The following TTC1 variants were observed in gnomAD, a reference collection of about 807,000 sequenced individuals.
TTC1 encodes the protein tetratricopeptide repeat protein 1.
TTC1 carries 31 observed loss-of-function variants against 37.6 expected under a neutral mutation model. The observed-to-expected ratio is 0.82, with a 90% CI of 0.62 to 1.11. TTC1 has a LOEUF of 1.11. TTC1 is among the 50% of genes most tolerant of loss of function. The probability of loss-of-function intolerance (pLI) is 0.00; values close to 1 mark genes in which losing one functional copy is unlikely to be tolerated. For synonymous variants in TTC1, 127 were observed against 122.4 expected (o/e 1.04, Z -0.25); for missense variants, 351 against 339.0 (o/e 1.04, Z -0.28).
chr5:160,051,266 T>G (rs1317342669), intron 7 of TTC1, 83 bp downstream of exon 7: 1 of 1,166,872 alleles, frequency 8.6e-7, no homozygotes, highest in Non-Finnish European at 1.2e-6. Flanking sequence ...GGAGAACACA[T>G]GAGTTAGAAA....
At chr5:160,012,465 A>G (rs1756520421) in intron 2 of TTC1, among the ~76,000 whole-genome samples, 1 of 151,952 alleles carries the variant, frequency 6.6e-6, no homozygotes. Flanking sequence ...CCTGGGCTCA[A>G]GTGGATCCTC....
intron 2 of TTC1, among the ~76,000 whole-genome samples, chr5:160,034,121 T>C (rs2113367368): frequency 6.8e-6 from 1 of 147,126 alleles, no homozygotes; most frequent in East Asian, 2.1e-4. Flanking sequence ...AGTGAGACCC[T>C]ATCTCTTTTT....
chr5:160,037,956 T>C (rs1405808170), intron 4 of TTC1, among the ~76,000 whole-genome samples: 1 of 152,206 alleles, frequency 6.6e-6, no homozygotes. Context: ...CTGTCTGAAA[T>C]TCTCAAATGC....
chr5:160,027,107 C>T (rs890427312), intron 2 of TTC1, among the ~76,000 whole-genome samples: 12 of 151,508 alleles, frequency 7.9e-5, no homozygotes, highest in African/African-American at 1.7e-4. Context: ...TGGATCACTG[C>T]GGCCTCCACC....
chr5:160,018,997 T>C (rs1281603554), intron 2 of TTC1, among the ~76,000 whole-genome samples: 3 of 152,218 alleles, frequency 2.0e-5, no homozygotes, highest in Non-Finnish European at 2.9e-5. Context: ...CCTTTATTAA[T>C]ATGAAGAAGA....
chr5:160,020,204 A>T (rs549743839), intron 2 of TTC1, among the ~76,000 whole-genome samples: 2 of 152,262 alleles, frequency 1.3e-5, no homozygotes, highest in South Asian at 4.2e-4. Context: ...TTCATTTCTA[A>T]TAGGCATCCT....
At chr5:160,063,031 C>T (rs1028894969) in intron 7 of TTC1, among the ~76,000 whole-genome samples, 2 of 152,178 alleles carry the variant, frequency 1.3e-5, no homozygotes, top group Non-Finnish European at 2.9e-5. Context: ...CAGCACAGAA[C>T]GTGTGTGTCC....
At chr5:160,059,297 C>T (rs1394313127) in intron 7 of TTC1, among the ~76,000 whole-genome samples, 2 of 152,216 alleles carry the variant, frequency 1.3e-5, no homozygotes, top group Non-Finnish European at 2.9e-5. Flanking sequence ...GCCTTTGCTG[C>T]TTCACTTTGC....
chr5:160,051,073 A>G, intron 6 of TTC1, 56 bp from the exon 7 acceptor site: 3 of 1,353,286 alleles, frequency 2.2e-6, no homozygotes, highest in South Asian at 2.6e-5. Flanking sequence ...AATAAAGGGA[A>G]AGGTTTTGGT....
intron 7 of TTC1, among the ~76,000 whole-genome samples, chr5:160,053,436 C>T (rs1281685189): frequency 6.6e-6 from 1 of 152,036 alleles, no homozygotes; most frequent in African/African-American, 2.4e-5. Flanking sequence ...TGCTGGTGTG[C>T]ACCTGTAGTC....
Position 160,057,383 on chromosome 5 carries a change from A to G in TTC1, c.745+6200A>G, listed in dbSNP as rs2113411100. ...TGTTTATATAATACTGTAGTCTACT[A>G]AGTATGCAACAGCACTGTGTCTAAA... On this transcript the variant is annotated intron_variant, in intron 7 of 7. Coordinates refer to ENST00000231238, the MANE Select transcript of TTC1 (RefSeq NM_003314.3). The surrounding 1 kb of genome is among the most constrained non-coding windows in gnomAD (Gnocchi z 4.4). 6.6e-6 allele frequency among the ~76,000 whole-genome samples: 1 copy of G among 152,128 alleles called. No individual in the cohort carries two copies. The highest frequency in any genetic ancestry group is 6.5e-5 in the Admixed American group (1 of 15,296).
chr5:160,054,921 C>T (rs1460760356), intron 7 of TTC1, among the ~76,000 whole-genome samples: 1 of 152,188 alleles, frequency 6.6e-6, no homozygotes, highest in Non-Finnish European at 1.5e-5. Flanking sequence ...CCTGAAGCTC[C>T]TCTGCTCAAC....
intron 5 of TTC1, among the ~76,000 whole-genome samples, chr5:160,047,619 T>C (rs1757285950): frequency 6.6e-6 from 1 of 152,174 alleles, no homozygotes; most frequent in Non-Finnish European, 1.5e-5. Context: ...GCTTGAAAAC[T>C]TTCCAGTGGC....
intron 7 of TTC1, among the ~76,000 whole-genome samples, chr5:160,059,681 C>T (rs919608626): frequency 2.0e-5 from 3 of 152,200 alleles, no homozygotes; most frequent in African/African-American, 7.2e-5. Context: ...GTCAGAGGAG[C>T]AGTCAGAACA....
At chr5:160,049,392 C>T in intron 5 of TTC1, 122 bp from the exon 6 acceptor site, 2 of 948,218 alleles carry the variant, frequency 2.1e-6, no homozygotes, top group Non-Finnish European at 3.0e-6. Flanking sequence ...ATCAGGTATA[C>T]ACTTGGCAAA....
At chr5:160,031,851 G>T (rs1404768162) in intron 2 of TTC1, among the ~76,000 whole-genome samples, 1 of 151,948 alleles carries the variant, frequency 6.6e-6, no homozygotes, top group Non-Finnish European at 1.5e-5. Context: ...AAAACAGAAA[G>T]AAATTACCTA....
chr5:160,042,899 G>GA (rs1757125354), intron 4 of TTC1, among the ~76,000 whole-genome samples: 2 of 151,900 alleles, frequency 1.3e-5, no homozygotes, highest in African/African-American at 2.4e-5. Flanking sequence ...GACACTTTCA[G>GA]AAAAAAGCGA....
In TTC1 at chr5:160,010,819, A is replaced by G; in HGVS notation, c.291A>G (p.Leu97=). 1 of 1,613,372 alleles carries G rather than the reference A, an allele frequency of 6.2e-7. No homozygotes were observed. Among genetic ancestry groups the G allele is most frequent in the Non-Finnish European group, 8.5e-7 (1 of 1,179,464 alleles). The part of the protein sequence containing the change: ...VNSSELDEEY[L]IELEKNMSDE... ...CCTCTGAACTAGATGAAGAATACCT[A>G]ATAGAACTGGAAAAAAACATGTCGG... Residue 97 remains leucine (L), a synonymous_variant, in exon 2 of 8, where the codon CTA becomes CTG. Coordinates refer to ENST00000231238, the MANE Select transcript of TTC1 (RefSeq NM_003314.3).
At chr5:160,046,809 T>G (rs1375052158) in intron 5 of TTC1, among the ~76,000 whole-genome samples, 4 of 152,116 alleles carry the variant, frequency 2.6e-5, no homozygotes, top group African/African-American at 7.2e-5. Context: ...GTCAGGAGTT[T>G]GAGACCAGCC....
Sources: gnomAD v4.1 joint callset for allele counts (sites outside exome capture counted in the v4.1 genomes callset) on GRCh38, gnomAD v4.1.1 for gene constraint, Gnocchi (gnomAD v3.1) non-coding constraint, MANE v1.5 for transcripts, NCBI Gene and HGNC (gene_info 2026-07-23, HGNC 2026-07-21) for gene names.